TRPC6: variants seen among roughly 807,000 people sequenced by gnomAD.
TRPC6 encodes transient receptor potential cation channel subfamily C member 6.
In TRPC6, 55 loss-of-function variants were observed where a neutral mutation model predicts 90.7. The ratio of observed to expected loss-of-function variants is 0.61; its 90% CI spans 0.49 to 0.76. The LOEUF (loss-of-function observed/expected upper bound fraction) is 0.76, where lower values mean the gene tolerates loss of function less well. TRPC6 is among the 30% of genes least tolerant of loss of function. The pLI is 0.00. For missense variants in TRPC6, 989 were observed against 1,122.7 expected (o/e 0.88, Z 1.70); for synonymous variants, 393 against 393.0 (o/e 1.00, Z 0.00).
chr11:101,485,025 C>T (rs1182597227), intron 4 of TRPC6, among the ~76,000 whole-genome samples: 2 of 151,918 alleles, frequency 1.3e-5, no homozygotes, highest in African/African-American at 2.4e-5. Context: ...CAAAAGAAGT[C>T]TGTACCTGTT....
intron 1 of TRPC6, among the ~76,000 whole-genome samples, chr11:101,533,527 A>C (rs1276735246): frequency 6.6e-6 from 1 of 152,124 alleles, no homozygotes; most frequent in African/African-American, 2.4e-5. Context: ...TGGAGACAAC[A>C]ATTCAACACG....
chr11:101,509,153 G>A (rs1420956514), intron 1 of TRPC6, among the ~76,000 whole-genome samples: 2 of 150,786 alleles, frequency 1.3e-5, no homozygotes, highest in African/African-American at 4.9e-5. Flanking sequence ...TTTTGAGACA[G>A]GATCTCGTTC....
At position 101,567,292 on chromosome 11, in the gene TRPC6, C is replaced by T. The variant is rs574408086; in HGVS notation, c.170+16042G>A. Among the ~76,000 whole-genome samples the T allele has an allele frequency of 3.9e-3, 598 of 152,234 alleles. 5 individuals are homozygous for T. The highest frequency in any genetic ancestry group is 5.6e-3 in the Non-Finnish European group (384 of 67,978). ...CGTAGCCCACCACAGCTCAGCAAAG[C>T]CCCTCAGGCCAGACTGCCTCTCTAG... On this transcript the variant is annotated intron_variant, in intron 1 of 12. Coordinates refer to ENST00000344327, the MANE Select transcript of TRPC6 (RefSeq NM_004621.6).
At chr11:101,564,321 T>C (rs1861782174) in intron 1 of TRPC6, among the ~76,000 whole-genome samples, 1 of 152,230 alleles carries the variant, frequency 6.6e-6, no homozygotes, top group Admixed American at 6.5e-5. Flanking sequence ...AACAATCATA[T>C]ACATAGCAAT....
chr11:101,543,006 C>G (rs1227705193), intron 1 of TRPC6, among the ~76,000 whole-genome samples: 1 of 152,008 alleles, frequency 6.6e-6, no homozygotes, highest in Non-Finnish European at 1.5e-5. Context: ...AAATTATAGA[C>G]AGAAAATATT....
At chr11:101,542,313 T>G (rs1861192275) in intron 1 of TRPC6, among the ~76,000 whole-genome samples, 1 of 152,180 alleles carries the variant, frequency 6.6e-6, no homozygotes, top group Non-Finnish European at 1.5e-5. Flanking sequence ...TCCTCATGAC[T>G]GAAAAAATGT....
At chr11:101,513,193 C>T (rs1274570996) in intron 1 of TRPC6, among the ~76,000 whole-genome samples, 1 of 152,248 alleles carries the variant, frequency 6.6e-6, no homozygotes, top group Admixed American at 6.5e-5. Context: ...TGACCTCACT[C>T]TCCTGCCCTC....
At chr11:101,478,070 C>A (rs534458949) in intron 5 of TRPC6, among the ~76,000 whole-genome samples, 117 of 152,266 alleles carry the variant, frequency 7.7e-4, no homozygotes, top group African/African-American at 2.5e-3. Context: ...CCTCAGCAAC[C>A]ACCTGCCTCA....
At chr11:101,494,545 G>A (rs1859899401) in intron 2 of TRPC6, among the ~76,000 whole-genome samples, 1 of 152,134 alleles carries the variant, frequency 6.6e-6, no homozygotes, top group African/African-American at 2.4e-5. Flanking sequence ...GGCTTCTCTT[G>A]AATGTAGAGT....
chr11:101,581,299 T>C (rs1862192064), intron 1 of TRPC6, among the ~76,000 whole-genome samples: 1 of 152,218 alleles, frequency 6.6e-6, no homozygotes. Flanking sequence ...TGAGAACTTG[T>C]AGCTAAAAAA....
chr11:101,548,821 T>C (rs1221151177), intron 1 of TRPC6, among the ~76,000 whole-genome samples: 1 of 151,924 alleles, frequency 6.6e-6, no homozygotes, highest in Non-Finnish European at 1.5e-5. Flanking sequence ...ACATATACTA[T>C]TGAGTGAAAA....
intron 2 of TRPC6, among the ~76,000 whole-genome samples, chr11:101,494,890 C>T (rs966493782): frequency 2.7e-4 from 41 of 152,286 alleles, no homozygotes; most frequent in Non-Finnish European, 5.7e-4. Context: ...ACTTTTTCTA[C>T]TTGGGAAATC....
At chr11:101,488,492 C>T (rs1239838926) in intron 4 of TRPC6, among the ~76,000 whole-genome samples, 3 of 152,108 alleles carry the variant, frequency 2.0e-5, no homozygotes, top group Non-Finnish European at 4.4e-5. Context: ...AAATACAAGA[C>T]AAAACTTTCA....
At chr11:101,541,438 T>G (rs774777199) in intron 1 of TRPC6, among the ~76,000 whole-genome samples, 1 of 152,236 alleles carries the variant, frequency 6.6e-6, no homozygotes, top group Non-Finnish European at 1.5e-5. Context: ...CTCGGCTCAC[T>G]GCAACCTCCA....
intron 1 of TRPC6, among the ~76,000 whole-genome samples, chr11:101,530,335 C>A (rs966425046): frequency 2.0e-5 from 3 of 152,154 alleles, no homozygotes; most frequent in East Asian, 3.9e-4. Context: ...CACAGCAGAT[C>A]CTACGACAGC....
At chr11:101,493,488 C>T (rs1859875748) in intron 2 of TRPC6, among the ~76,000 whole-genome samples, 1 of 152,212 alleles carries the variant, frequency 6.6e-6, no homozygotes, top group South Asian at 2.1e-4. Context: ...TAGTAAGCAC[C>T]AAAATCGAGC....
At chr11:101,500,715 A>G (rs6590869) in intron 2 of TRPC6, among the ~76,000 whole-genome samples, 71,301 of 151,870 alleles carry the variant, frequency 0.47, 17,219 homozygotes, top group African/African-American at 0.58. Flanking sequence ...ATATCTATAT[A>G]AAGGGATTTT....
chr11:101,583,270 T>G (rs1862240580), intron 1 of TRPC6, 64 bp downstream of exon 1: 7 of 1,522,146 alleles, frequency 4.6e-6, no homozygotes, highest in South Asian at 2.4e-5. Flanking sequence ...CGGCCACTCC[T>G]GCGAGCGCAC....
intron 1 of TRPC6, among the ~76,000 whole-genome samples, chr11:101,507,945 T>G (rs1432292737): frequency 1.3e-5 from 2 of 152,136 alleles, no homozygotes; most frequent in Non-Finnish European, 2.9e-5. Context: ...GTCCTTTAAT[T>G]TTCTTATCTT....
Sources: allele counts gnomAD v4.1 joint callset (sites outside exome capture counted in the v4.1 genomes callset), GRCh38; gene constraint gnomAD v4.1.1; transcripts MANE v1.5; gene names NCBI Gene and HGNC (gene_info 2026-07-23, HGNC 2026-07-21).